Variants in USP16 observed in about 807,000 individuals in gnomAD.
The protein encoded by USP16 is ubiquitin specific peptidase 16.
In USP16, 77 loss-of-function variants were observed where a neutral mutation model predicts 95.9. That is an observed-to-expected ratio of 0.80 (90% CI 0.67 to 0.97). The LOEUF (loss-of-function observed/expected upper bound fraction) is 0.97. Among genes scored for constraint, USP16 ranks in the 50% least tolerant of loss-of-function variants. USP16 has a pLI of 0.00. For missense variants in USP16, 943 were observed against 959.9 expected (o/e 0.98, Z 0.23); for synonymous variants, 303 against 318.2 (o/e 0.95, Z 0.51).
chr21:29,035,727 T>C (rs2085145149), intron 4 of USP16, among the ~76,000 whole-genome samples: 1 of 151,830 alleles, frequency 6.6e-6, no homozygotes. Flanking sequence ...TTTGTCTGGC[T>C]AACACGTTGA....
intron 9 of USP16, among the ~76,000 whole-genome samples, chr21:29,040,113 G>T: frequency 6.6e-6 from 1 of 152,114 alleles, no homozygotes; most frequent in Non-Finnish European, 1.5e-5. Flanking sequence ...ACTGTTTTCA[G>T]TGTTTTGTAT....
chr21:29,029,417 AG>A, intron 2 of USP16, among the ~76,000 whole-genome samples: 1 of 152,278 alleles, frequency 6.6e-6, no homozygotes, highest in South Asian at 2.1e-4. Context: ...CGTCTCAAAA[AG>A]AAAAAAGAAA....
chr21:29,039,634 T>C (rs1338963610), intron 9 of USP16, 66 bp downstream of exon 9: 2 of 1,465,520 alleles, frequency 1.4e-6, no homozygotes, highest in South Asian at 2.6e-5. Flanking sequence ...TCATTTGATA[T>C]CTTACGAGTT....
chr21:29,029,601 T>G (rs1201952354), intron 2 of USP16, among the ~76,000 whole-genome samples: 5 of 152,194 alleles, frequency 3.3e-5, no homozygotes, highest in Non-Finnish European at 7.3e-5. Flanking sequence ...CTGGAACAAC[T>G]CAGCACTGTA....
intron 8 of USP16, 39 bp from the exon 9 acceptor site, chr21:29,039,442 G>A (rs1446332726): frequency 5.6e-6 from 9 of 1,593,186 alleles, no homozygotes; most frequent in Non-Finnish European, 6.9e-6. Context: ...GAGCTTAGTA[G>A]ACTGAAGATT....
At chr21:29,036,934 GTTCTTGATTGTTTTATA>G (rs1266923930) in intron 5 of USP16, among the ~76,000 whole-genome samples, 5 of 152,146 alleles carry the variant, frequency 3.3e-5, no homozygotes, top group Non-Finnish European at 7.4e-5. Context: ...TCATGTCCAT[GTTCTTGATTGTTTTATA>G]TTCTTAATTT....
chr21:29,035,045 T>C (rs912002070), intron 4 of USP16, 105 bp downstream of exon 4: 32 of 1,115,292 alleles, frequency 2.9e-5, no homozygotes, highest in Non-Finnish European at 3.7e-5. Flanking sequence ...ATTTTTGTAG[T>C]ATGTTTTAAA....
intron 3 of USP16, 52 bp from the exon 4 acceptor site, chr21:29,034,785 C>T: frequency 6.5e-7 from 1 of 1,530,598 alleles, no homozygotes; most frequent in Middle Eastern, 1.7e-4. Context: ...ATGCATTCTC[C>T]CCTCTTGCTG....
chr21:29,028,666 C>T (rs1173282626), intron 2 of USP16, among the ~76,000 whole-genome samples: 1 of 152,148 alleles, frequency 6.6e-6, no homozygotes, highest in Non-Finnish European at 1.5e-5. Flanking sequence ...GAACTCCTGA[C>T]CTCAAGTGAT....
intron 14 of USP16, among the ~76,000 whole-genome samples, chr21:29,048,372 G>A (rs1442514215): frequency 2.6e-5 from 4 of 151,978 alleles, no homozygotes; most frequent in Non-Finnish European, 4.4e-5. Flanking sequence ...GTGAGCCATC[G>A]CACCCAGCCT....
In USP16 at chr21:29,050,080, C is replaced by T; in HGVS notation, c.2107-12C>T. The stretch of plus-strand genomic sequence containing the variant: ...CAAGAAAAGAAGTCAATCTGTTATG[C>T]TTCTCTTTTAGGCTGGTTTTAACCT... On this transcript the variant is annotated splice_polypyrimidine_tract_variant and intron_variant, in intron 15 of 17. Transcript: ENST00000399976. 6.2e-7 allele frequency: 1 copy of T among 1,607,410 alleles called. No individual in the cohort carries two copies. Among genetic ancestry groups the T allele is most frequent in the Non-Finnish European group, 8.5e-7 (1 of 1,177,614 alleles).
chr21:29,038,999 G>A, intron 7 of USP16, 27 bp from the exon 8 acceptor site: 1 of 1,472,750 alleles, frequency 6.8e-7, no homozygotes, highest in Non-Finnish European at 9.0e-7. Context: ...TTTGACTGAA[G>A]AAAGTAATTT....
intron 13 of USP16, among the ~76,000 whole-genome samples, chr21:29,044,049 C>T (rs997687431): frequency 5.9e-5 from 9 of 152,012 alleles, no homozygotes; most frequent in Non-Finnish European, 1.3e-4. Flanking sequence ...TCTCGTGCCT[C>T]AGCCTCCTGA....
intron 16 of USP16, among the ~76,000 whole-genome samples, chr21:29,051,033 G>C (rs1057321531): frequency 6.6e-6 from 1 of 152,106 alleles, no homozygotes; most frequent in Admixed American, 6.6e-5. Flanking sequence ...TATTTCAGGA[G>C]GTAGAATTAA....
Position 29,050,129 on chromosome 21 carries a change from A to C in USP16, c.2144A>C (p.Lys715Thr), listed in dbSNP as rs1390378414. 6.2e-7 allele frequency: 1 copy of C among 1,613,604 alleles called. No individual in the cohort carries two copies. The highest frequency in any genetic ancestry group is 1.3e-5 in the African/African-American group (1 of 74,924). ...FNLRKVNKHI[K>T]FPEILDLAPF... ...CTACGCAAAGTTAACAAACACATAAAGTTTCCGGAAATCTTAGATTTGGCT... is the reference window on the plus strand; with the variant it reads ...CTACGCAAAGTTAACAAACACATAACGTTTCCGGAAATCTTAGATTTGGCT... The change falls in exon 16 of 18, where the codon AAG (lysine) becomes ACG (threonine). Residue 715 changes from lysine (K) to threonine (T), a missense_variant. Transcript: ENST00000399976.
At position 29,042,159 on chromosome 21, in the gene USP16, A is replaced by G. The variant is rs1363003989; in HGVS notation, c.1122+55A>G. The G allele has an allele frequency of 1.3e-5, 19 of 1,479,562 alleles. No homozygotes were observed. The Middle Eastern group carries it at 5.7e-4, about 44-fold the overall frequency. 91.7% of individuals were successfully genotyped at this position (1,479,562 alleles called of 1,614,324 possible). A position where few individuals can be genotyped will look rare whatever the true frequency, so the allele number is the denominator to read the frequency against. ...TTTGCTAATATTCAACAGTTTATCAATTGTTTATTTCAAAAGCAGAAATCT... is the reference window on the plus strand; with the variant it reads ...TTTGCTAATATTCAACAGTTTATCAGTTGTTTATTTCAAAAGCAGAAATCT... On this transcript the variant is annotated intron_variant, in intron 11 of 17. Coordinates refer to ENST00000399976, the MANE Select transcript of USP16 (RefSeq NM_006447.3).
chr21:29,044,156 A>T (rs1208382876), intron 13 of USP16, among the ~76,000 whole-genome samples: 1 of 151,944 alleles, frequency 6.6e-6, no homozygotes, highest in Admixed American at 6.6e-5. Context: ...CTGGTCTCAA[A>T]CTCCTGACCT....
At position 29,042,529 on chromosome 21, in the gene USP16, G is replaced by A. The variant is rs751982329; in HGVS notation, c.1179+1G>A. 1.9e-6 allele frequency: 3 copies of A among 1,597,602 alleles called. No individual in the cohort carries two copies. Among genetic ancestry groups the A allele is most frequent in the Non-Finnish European group, 2.6e-6 (3 of 1,174,334 alleles). On this transcript the variant is annotated splice_donor_variant, in intron 12 of 17. Coordinates refer to ENST00000399976, the MANE Select transcript of USP16 (RefSeq NM_006447.3). LOFTEE classifies it high-confidence loss of function. ...GTCCCTCCCAGTTTTAGATGATCAG[G>A]TAAGACTATTGAATTTATTTTATTC...
At chr21:29,044,080 A>G (rs1250894426) in intron 13 of USP16, among the ~76,000 whole-genome samples, 3 of 152,018 alleles carry the variant, frequency 2.0e-5, no homozygotes, top group African/African-American at 4.8e-5. Flanking sequence ...CTACAGGTGC[A>G]TGCCACCAAG....
Sources: allele counts gnomAD v4.1 joint callset (sites outside exome capture counted in the v4.1 genomes callset), GRCh38; gene constraint gnomAD v4.1.1; transcripts MANE v1.5; gene names NCBI Gene and HGNC (gene_info 2026-07-23, HGNC 2026-07-21).